The following PRIM2 variants were observed in gnomAD, a reference collection of about 807,000 sequenced individuals.
PRIM2 encodes the protein DNA primase large subunit.
In PRIM2, 39 loss-of-function variants were observed where a neutral mutation model predicts 67.3. That is an observed-to-expected ratio of 0.58 (90% confidence interval 0.45 to 0.76). The LOEUF is 0.76. Ranked by LOEUF, PRIM2 falls within the 30% of genes least tolerant of loss-of-function variation. The pLI is 0.00. For synonymous variants in PRIM2, 143 were observed against 198.7 expected (o/e 0.72, Z 2.36); for missense variants, 398 against 598.7 (o/e 0.66, Z 3.50).
the PRIM2 span, among the ~76,000 whole-genome samples, chr6:57,288,984 G>A: frequency 0.058 from 8,751 of 152,160 alleles, 268 homozygotes; most frequent in Non-Finnish European, 0.072. Context: ...GGCTTCAGAA[G>A]GTCGGTAATA....
intron 7 of PRIM2, among the ~76,000 whole-genome samples, chr6:57,454,087 G>T (rs185126279): frequency 4.6e-4 from 70 of 152,214 alleles, no homozygotes; most frequent in African/African-American, 1.7e-3. Context: ...GTTGGATTAC[G>T]TTTATTGATT....
Position 57,474,348 on chromosome 6 carries a change from G to GT in PRIM2, c.694-33032dup, listed in dbSNP as rs1399436131. Among the ~76,000 whole-genome samples, 164 of 151,260 alleles carry GT rather than the reference G, an allele frequency of 1.1e-3. 2 individuals are homozygous for GT. In the East Asian group the frequency reaches 0.022, roughly 20 times the overall value. On this transcript the variant is annotated intron_variant, in intron 7 of 13. Coordinates refer to ENST00000615550, the MANE Select transcript of PRIM2 (RefSeq NM_000947.5). ...TGCCACCATGCCCGGCTAATTTTTT[G>GT]TTTTTTTAGTAGAGACAGGGTTTCA... is the stretch of plus-strand genomic sequence containing the variant.
At chr6:57,297,997 T>C in the PRIM2 span, among the ~76,000 whole-genome samples, 2 of 152,176 alleles carry the variant, frequency 1.3e-5, no homozygotes, top group African/African-American at 4.8e-5. Flanking sequence ...TGAAGGTCGA[T>C]AGGTAATTTT....
At chr6:57,592,970 T>C (rs1490585033) in intron 10 of PRIM2, among the ~76,000 whole-genome samples, 1 of 152,140 alleles carries the variant, frequency 6.6e-6, no homozygotes, top group Non-Finnish European at 1.5e-5. Flanking sequence ...CACTAGACCC[T>C]GGGTGGGCTT....
chr6:57,403,943 G>T (rs1301221869), intron 7 of PRIM2, among the ~76,000 whole-genome samples: 3 of 147,870 alleles, frequency 2.0e-5, no homozygotes, highest in Non-Finnish European at 3.0e-5. Flanking sequence ...CTGCTTCCTG[G>T]TTTGCAGATG....
At chr6:57,504,614 G>T (rs1774216305) in intron 7 of PRIM2, among the ~76,000 whole-genome samples, 1 of 152,096 alleles carries the variant, frequency 6.6e-6, no homozygotes, top group African/African-American at 2.4e-5. Context: ...ACTCGTTTAG[G>T]CTTTGCAGAT....
chr6:57,280,559 G>C, the PRIM2 span, among the ~76,000 whole-genome samples: 2 of 152,048 alleles, frequency 1.3e-5, no homozygotes, highest in Non-Finnish European at 2.9e-5. Context: ...ACCCAGGCTG[G>C]AGTGCAACGG....
chr6:57,537,643 T>A lies in PRIM2; in HGVS notation c.1020+18T>A, dbSNP rs1436661891. The A allele has an allele frequency of 6.5e-6, 9 of 1,394,678 alleles. No individual in the cohort carries two copies. The highest frequency in any genetic ancestry group is 3.7e-5 in the South Asian group (2 of 53,750). The allele number at this position is 1,394,678 out of a possible 1,614,324, so 86.4% of individuals were successfully genotyped here. On this transcript the variant is annotated intron_variant, in intron 10 of 13. Transcript: ENST00000615550. ...CAGACAAGGTAATTTTGAAAAAAAA[T>A]ATCAGAGTGGTACCTGATATTTTAA...
chr6:57,248,980 C>T, the PRIM2 span, among the ~76,000 whole-genome samples: 1 of 152,236 alleles, frequency 6.6e-6, no homozygotes, highest in South Asian at 2.1e-4. Flanking sequence ...CTTATTAGCA[C>T]ATTGTTCTCT....
intron 11 of PRIM2, among the ~76,000 whole-genome samples, chr6:57,604,521 G>A (rs2127492417): frequency 6.6e-6 from 1 of 152,238 alleles, no homozygotes; most frequent in Non-Finnish European, 1.5e-5. Context: ...AGTGGTGAGA[G>A]TGGGCATCCT....
At chr6:57,280,445 A>G in the PRIM2 span, among the ~76,000 whole-genome samples, 1 of 152,148 alleles carries the variant, frequency 6.6e-6, no homozygotes, top group African/African-American at 2.4e-5. Context: ...GAAGAGTTAG[A>G]AAGACAATGC....
intron 7 of PRIM2, among the ~76,000 whole-genome samples, chr6:57,460,521 T>C (rs1772969448): frequency 1.3e-5 from 2 of 152,090 alleles, no homozygotes; most frequent in Non-Finnish European, 2.9e-5. Context: ...TGATATCTAC[T>C]GGATTTTAAA....
intron 8 of PRIM2, among the ~76,000 whole-genome samples, chr6:57,513,988 A>G (rs1774426701): frequency 1.3e-5 from 2 of 152,232 alleles, no homozygotes; most frequent in Non-Finnish European, 2.9e-5. Context: ...AAGCAAGCTA[A>G]AACAAGTATT....
At chr6:57,468,108 A>C (rs1773248570) in intron 7 of PRIM2, among the ~76,000 whole-genome samples, 1 of 152,124 alleles carries the variant, frequency 6.6e-6, no homozygotes, top group African/African-American at 2.4e-5. Flanking sequence ...TTCCTATTTG[A>C]ATACCCTTTA....
chr6:57,597,172 G>C (rs1776381663), intron 10 of PRIM2, among the ~76,000 whole-genome samples: 1 of 152,170 alleles, frequency 6.6e-6, no homozygotes, highest in African/African-American at 2.4e-5. Flanking sequence ...ATTGCAACAA[G>C]AAAGGTACAG....
chr6:57,606,576 C>T, intron 12 of PRIM2, 119 bp downstream of exon 12: 1 of 613,890 alleles, frequency 1.6e-6, no homozygotes, highest in Non-Finnish European at 2.9e-6. Context: ...CACCAGACAT[C>T]TTATCTTCAA....
chr6:57,521,815 T>C (rs1395313977), intron 8 of PRIM2, among the ~76,000 whole-genome samples: 1 of 152,210 alleles, frequency 6.6e-6, no homozygotes, highest in Non-Finnish European at 1.5e-5. Context: ...TTATATGTTA[T>C]TGTTTTATGA....
intron 5 of PRIM2, among the ~76,000 whole-genome samples, chr6:57,376,670 G>A (rs1769775914): frequency 6.6e-6 from 1 of 152,108 alleles, no homozygotes; most frequent in Non-Finnish European, 1.5e-5. Flanking sequence ...ACAATATTAA[G>A]TTTTCTGGTT....
chr6:57,264,812 G>A, the PRIM2 span, among the ~76,000 whole-genome samples: 1 of 151,936 alleles, frequency 6.6e-6, no homozygotes, highest in African/African-American at 2.4e-5. Flanking sequence ...TGGCCAAGAT[G>A]GTTCCAATCT....
Sources: allele counts gnomAD v4.1 joint callset (sites outside exome capture counted in the v4.1 genomes callset), GRCh38; gene constraint gnomAD v4.1.1; transcripts MANE v1.5; gene names NCBI Gene and HGNC (gene_info 2026-07-23, HGNC 2026-07-21).